Variants in ERC2 observed in about 807,000 individuals in gnomAD.
ERC2 encodes ELKS/RAB6-interacting/CAST family member 2, also known as ERC protein 2.
A neutral mutation model predicts 114.8 loss-of-function variants in ERC2; 42 were observed. That is an observed-to-expected ratio of 0.37 (90% CI 0.29 to 0.47). The LOEUF (loss-of-function observed/expected upper bound fraction) is 0.47. Ranked by LOEUF, ERC2 falls within the 20% of genes least tolerant of loss-of-function variation. ERC2 has a pLI of 0.99. For missense variants in ERC2, 939 were observed against 1,150.7 expected (o/e 0.82, Z 2.66); for synonymous variants, 454 against 425.5 (o/e 1.07, Z -0.82).
intron 17 of ERC2, among the ~76,000 whole-genome samples, chr3:55,610,081 AAAAC>A (rs1262542368): frequency 6.7e-6 from 1 of 149,208 alleles, no homozygotes; most frequent in African/African-American, 2.5e-5. Context: ...AAAAAAAAAA[AAAAC>A]AAGAATTCCT....
At chr3:55,679,953 T>A (rs1365545084) in intron 17 of ERC2, among the ~76,000 whole-genome samples, 1 of 152,194 alleles carries the variant, frequency 6.6e-6, no homozygotes, top group East Asian at 1.9e-4. Flanking sequence ...ATAAAACATC[T>A]CCTTCCTCCT....
At chr3:55,946,588 T>G (rs1471366712) in intron 13 of ERC2, among the ~76,000 whole-genome samples, 2 of 152,188 alleles carry the variant, frequency 1.3e-5, no homozygotes, top group African/African-American at 2.4e-5. Flanking sequence ...ATAAACCTTA[T>G]TTTATTTAAC....
rs549236910 is a variant in ERC2 at position 56,365,294 on chromosome 3, T to G, written c.658-68859A>C. Among the ~76,000 whole-genome samples the G allele has an allele frequency of 3.1e-3, 469 of 152,330 alleles. 3 individuals are homozygous for G. The highest frequency in any genetic ancestry group is 4.5e-3 in the Non-Finnish European group (309 of 68,028). On this transcript the variant is annotated intron_variant, in intron 2 of 17. Transcript: ENST00000288221. ...CTATATTTTGATATGTTCAGACACTTAAATACTAATCACTACGTTACAATT... is the reference window on the plus strand; with the variant it reads ...CTATATTTTGATATGTTCAGACACTGAAATACTAATCACTACGTTACAATT...
At position 56,065,222 on chromosome 3, in the gene ERC2, AT is replaced by A. The variant is rs112673871; in HGVS notation, c.1641+15594del. On this transcript the variant is annotated intron_variant, in intron 7 of 17. Coordinates refer to ENST00000288221, the MANE Select transcript of ERC2 (RefSeq NM_015576.3). ...AACATCATCAAGACTCCCATTATTTATTTTTTTTCTTTATTTTATGAGACAG... is the reference window on the plus strand; with the variant it reads ...AACATCATCAAGACTCCCATTATTTATTTTTTTCTTTATTTTATGAGACAG... Among the ~76,000 whole-genome samples the A allele has an allele frequency of 1.9e-3, 290 of 151,802 alleles. 1 individual carries two copies. Among genetic ancestry groups the A allele is most frequent in the African/African-American group, 6.8e-3 (280 of 41,396 alleles).
rs188428200 is a variant in ERC2, at chr3:56,306,478, A to G, written c.658-10043T>C. ...AGGAATTTATCTTAAAAGAATATTG[A>G]ACGGAAGAAGTAAAAACAGAGAATA... On this transcript the variant is annotated intron_variant, in intron 2 of 17. Transcript: ENST00000288221. Among the ~76,000 whole-genome samples the G allele has an allele frequency of 1.1e-3, 167 of 152,336 alleles. 1 individual carries two copies. Among genetic ancestry groups the G allele is most frequent in the Non-Finnish European group, 1.4e-3 (93 of 68,022 alleles).
At chr3:55,863,392 T>G (rs902169286) in intron 14 of ERC2, among the ~76,000 whole-genome samples, 29 of 152,112 alleles carry the variant, frequency 1.9e-4, no homozygotes, top group Admixed American at 6.6e-5. Context: ...GAAAATACTA[T>G]AAGTACATGG....
intron 15 of ERC2, among the ~76,000 whole-genome samples, chr3:55,701,803 G>A (rs888422172): frequency 6.6e-5 from 10 of 152,094 alleles, no homozygotes; most frequent in African/African-American, 9.7e-5. Flanking sequence ...GAAATTTGGC[G>A]TTTACACCTA....
rs187801863 is a variant in ERC2, at chr3:56,019,842, A to T, written c.1642-811T>A. The stretch of plus-strand genomic sequence containing the variant: ...CCATGTATTTCTTATCTAAGGATTT[A>T]AAAAAGCCCCACTATACAAACAATT... On this transcript the variant is annotated intron_variant, in intron 7 of 17. Transcript: ENST00000288221. Among the ~76,000 whole-genome samples, 176 of 152,288 alleles carry T rather than the reference A, an allele frequency of 1.2e-3. 1 individual carries two copies. Among genetic ancestry groups the T allele is most frequent in the South Asian group, 6.2e-3 (30 of 4,816 alleles).
chr3:56,246,135 A>G (rs11130504), intron 3 of ERC2, among the ~76,000 whole-genome samples: 42,378 of 148,452 alleles, frequency 0.29, 7,178 homozygotes, highest in East Asian at 0.64. Flanking sequence ...ATGAATTGTC[A>G]TCCCATAATA....
intron 10 of ERC2, among the ~76,000 whole-genome samples, chr3:55,993,876 G>C (rs1190185115): frequency 1.3e-5 from 2 of 151,934 alleles, no homozygotes; most frequent in African/African-American, 4.8e-5. Context: ...CATACCTTTA[G>C]GAGTATATTT....
chr3:56,369,965 A>T (rs1387633719), intron 2 of ERC2, among the ~76,000 whole-genome samples: 1 of 152,168 alleles, frequency 6.6e-6, no homozygotes, highest in Non-Finnish European at 1.5e-5. Flanking sequence ...ATGAGCCACC[A>T]CGCCCGGCCT....
chr3:55,907,183 G>A (rs948586765), intron 13 of ERC2, among the ~76,000 whole-genome samples: 24 of 152,174 alleles, frequency 1.6e-4, no homozygotes, highest in African/African-American at 4.3e-4. Context: ...TTTGCTTGCC[G>A]GATTTATCAG....
intron 3 of ERC2, among the ~76,000 whole-genome samples, chr3:56,225,311 A>G (rs531492540): frequency 1.3e-5 from 2 of 152,328 alleles, no homozygotes; most frequent in South Asian, 4.1e-4. Context: ...CCAGGCCATG[A>G]TAATCCACAA....
chr3:56,341,870 G>T (rs1010417015), intron 2 of ERC2, among the ~76,000 whole-genome samples: 1 of 152,142 alleles, frequency 6.6e-6, no homozygotes, highest in Non-Finnish European at 1.5e-5. Flanking sequence ...CCACATGCAG[G>T]ATTCGAGATC....
intron 2 of ERC2, among the ~76,000 whole-genome samples, chr3:56,422,496 A>T (rs2061423300): frequency 6.6e-6 from 1 of 151,994 alleles, no homozygotes; most frequent in African/African-American, 2.4e-5. Flanking sequence ...CTTGACAAGA[A>T]TGTGTTTGCT....
At chr3:55,722,864 C>T (rs780713781) in intron 15 of ERC2, among the ~76,000 whole-genome samples, 1 of 152,162 alleles carries the variant, frequency 6.6e-6, no homozygotes, top group Non-Finnish European at 1.5e-5. Flanking sequence ...GAACAGTTGA[C>T]ATTTATTTAA....
At chr3:56,213,650 C>G (rs2049235554) in intron 3 of ERC2, among the ~76,000 whole-genome samples, 1 of 152,216 alleles carries the variant, frequency 6.6e-6, no homozygotes, top group Admixed American at 6.5e-5. Context: ...CCCTGTCTGA[C>G]AGCTTGGAAG....
intron 1 of ERC2, among the ~76,000 whole-genome samples, chr3:56,438,207 A>G (rs189754991): frequency 2.2e-4 from 33 of 152,318 alleles, no homozygotes; most frequent in African/African-American, 7.5e-4. Context: ...GATAGTGTCA[A>G]GGAGCTCAAA....
At chr3:56,422,131 G>A (rs994261268) in intron 2 of ERC2, among the ~76,000 whole-genome samples, 5 of 152,134 alleles carry the variant, frequency 3.3e-5, no homozygotes, top group Non-Finnish European at 7.3e-5. Context: ...CCTGTTGAAG[G>A]CCCCCTGGAC....
Sources: allele counts gnomAD v4.1 joint callset (sites outside exome capture counted in the v4.1 genomes callset), GRCh38; gene constraint gnomAD v4.1.1; transcripts MANE v1.5; gene names NCBI Gene and HGNC (gene_info 2026-07-23, HGNC 2026-07-21).